Variants in FOXP2 observed in about 807,000 individuals in gnomAD.
FOXP2 encodes forkhead box protein P2.
A neutral mutation model predicts 115.8 loss-of-function variants in FOXP2; 12 were observed. That is an observed-to-expected ratio of 0.10 (90% CI 0.07 to 0.17). The LOEUF is 0.17. Among genes scored for constraint, FOXP2 ranks in the 10% least tolerant of loss-of-function variants. FOXP2 has a pLI of 1.00. For synonymous variants in FOXP2, 328 were observed against 297.7 expected (o/e 1.10, Z -1.05); for missense variants, 629 against 843.5 (o/e 0.75, Z 3.15).
At chr7:114,521,527 T>A (rs1798624126) in intron 2 of FOXP2, among the ~76,000 whole-genome samples, 1 of 106,824 alleles carries the variant, frequency 9.4e-6, no homozygotes, top group Non-Finnish European at 1.8e-5. Flanking sequence ...AGCAGGACAC[T>A]GTCTCAAAAA....
At chr7:114,303,225 A>T (rs1436926800) in intron 2 of FOXP2, among the ~76,000 whole-genome samples, 1 of 152,202 alleles carries the variant, frequency 6.6e-6, no homozygotes, top group Non-Finnish European at 1.5e-5. Flanking sequence ...GTGGAACTTG[A>T]AATGATTTTT....
At chr7:114,089,336 A>G (rs1465484831) in intron 1 of FOXP2, among the ~76,000 whole-genome samples, 6 of 152,082 alleles carry the variant, frequency 3.9e-5, no homozygotes, top group Non-Finnish European at 8.8e-5. Flanking sequence ...TTTTTAAGGG[A>G]ATAATTTTTA....
At chr7:114,326,954 C>A (rs1797569000) in intron 2 of FOXP2, among the ~76,000 whole-genome samples, 1 of 152,142 alleles carries the variant, frequency 6.6e-6, no homozygotes, top group Admixed American at 6.5e-5. Context: ...TTTTCTTTCT[C>A]AAGGGCTTTA....
At chr7:114,365,166 C>G (rs1791847980) in intron 2 of FOXP2, among the ~76,000 whole-genome samples, 1 of 151,976 alleles carries the variant, frequency 6.6e-6, no homozygotes, top group Non-Finnish European at 1.5e-5. Context: ...TTTAACAAAC[C>G]AAGTCTAACT....
intron 1 of FOXP2, among the ~76,000 whole-genome samples, chr7:114,089,791 T>A (rs1422975902): frequency 6.6e-6 from 1 of 151,974 alleles, no homozygotes; most frequent in Non-Finnish European, 1.5e-5. Context: ...GAAGTTATAT[T>A]TCCTTTGTAC....
Position 114,692,405 on chromosome 7 carries a change from C to A in FOXP2, c.*2479C>A, listed in dbSNP as rs751526834. On this transcript the variant is annotated 3_prime_UTR_variant, in exon 17 of 17. Coordinates refer to ENST00000350908, the MANE Select transcript of FOXP2 (RefSeq NM_014491.4). The stretch of plus-strand genomic sequence containing the variant: ...AGAAAAACCTCCAAAACTGCAATTG[C>A]TTTGAAAATAGATTTTAGGTTTTTT... The A allele has an allele frequency of 2.2e-6, 1 of 450,936 alleles. No homozygotes were observed. The highest frequency in any genetic ancestry group is 4.4e-6 in the Non-Finnish European group (1 of 225,994). 27.9% of individuals were successfully genotyped at this position (450,936 alleles called of 1,614,324 possible).
At chr7:114,212,914 G>T (rs1457060771) in intron 1 of FOXP2, among the ~76,000 whole-genome samples, 1 of 152,226 alleles carries the variant, frequency 6.6e-6, no homozygotes, top group Non-Finnish European at 1.5e-5. Flanking sequence ...CACAATATAT[G>T]TGAGAAAGTG....
chr7:114,383,414 A>AG (rs972346765), intron 2 of FOXP2, among the ~76,000 whole-genome samples: 2 of 152,014 alleles, frequency 1.3e-5, no homozygotes, highest in Non-Finnish European at 2.9e-5. Context: ...TTTGGGTTGA[A>AG]GGGGGGTCCT....
intron 1 of FOXP2, among the ~76,000 whole-genome samples, chr7:114,117,441 T>C (rs2020171): frequency 0.98 from 148,339 of 152,006 alleles, 72,488 homozygotes; most frequent in East Asian, 1. Context: ...AGGCTGGTTT[T>C]GAACTCCTGA....
intron 16 of FOXP2, among the ~76,000 whole-genome samples, chr7:114,682,559 A>G (rs1372609875): frequency 3.3e-5 from 5 of 152,170 alleles, no homozygotes; most frequent in Admixed American, 3.3e-4. Context: ...TGGTAGTGTA[A>G]CACATGGCAC....
At chr7:114,558,639 A>G (rs117851168) in intron 3 of FOXP2, among the ~76,000 whole-genome samples, 1 of 152,240 alleles carries the variant, frequency 6.6e-6, no homozygotes, top group East Asian at 1.9e-4. Context: ...TTAGTCTTAA[A>G]TGTTCTTCAT....
chr7:114,558,402 A>G (rs1800574875), intron 3 of FOXP2, among the ~76,000 whole-genome samples: 1 of 152,204 alleles, frequency 6.6e-6, no homozygotes. Context: ...CCTCCAAGAG[A>G]AAAGACAGGT....
chr7:114,560,830 T>C (rs1377040103), intron 3 of FOXP2: 1 of 152,222 alleles, frequency 6.6e-6, no homozygotes, highest in African/African-American at 2.4e-5. Context: ...GAAATATGTA[T>C]ATTAAATTTA....
chr7:114,491,524 G>A (rs900854398), intron 2 of FOXP2, among the ~76,000 whole-genome samples: 4 of 151,782 alleles, frequency 2.6e-5, no homozygotes, highest in African/African-American at 9.7e-5. Flanking sequence ...GATCCCATTT[G>A]TCAATTTTGG....
At chr7:114,176,300 C>CTTTCTTTCTTTCTTTCTT (rs778137071) in intron 1 of FOXP2, among the ~76,000 whole-genome samples, 1 of 106,886 alleles carries the variant, frequency 9.4e-6, no homozygotes, top group African/African-American at 3.5e-5. Flanking sequence ...TTCTTTCTTT[C>CTTTCTTTCTTTCTTTCTT]TCTCTCTCTC....
chr7:114,620,532 G>A (rs552414250), intron 3 of FOXP2, among the ~76,000 whole-genome samples: 1 of 152,158 alleles, frequency 6.6e-6, no homozygotes, highest in South Asian at 2.1e-4. Context: ...CTTTCAGCAA[G>A]ACTAGTTGGT....
chr7:114,617,694 A>G (rs1804024731), intron 3 of FOXP2, among the ~76,000 whole-genome samples: 1 of 152,138 alleles, frequency 6.6e-6, no homozygotes, highest in South Asian at 2.1e-4. Context: ...TCCGGAGGCT[A>G]AGGCTGGAAA....
intron 9 of FOXP2, chr7:114,653,392 G>A (rs1229606282): frequency 3.5e-5 from 6 of 170,210 alleles, no homozygotes; most frequent in Non-Finnish European, 6.5e-5. Context: ...TGTAGATGCC[G>A]ACTCCGTGGC....
intron 2 of FOXP2, among the ~76,000 whole-genome samples, chr7:114,486,253 T>C (rs2129240413): frequency 6.6e-6 from 1 of 152,226 alleles, no homozygotes; most frequent in South Asian, 2.1e-4. Context: ...AGACATATCT[T>C]ACATGGTGGC....
Sources: allele counts gnomAD v4.1 joint callset (sites outside exome capture counted in the v4.1 genomes callset), GRCh38; gene constraint gnomAD v4.1.1; transcripts MANE v1.5; gene names NCBI Gene and HGNC (gene_info 2026-07-23, HGNC 2026-07-21).